NUP62CL: variants seen among roughly 807,000 people sequenced by gnomAD.
The protein encoded by NUP62CL is nucleoporin-62 C-terminal-like protein.
A neutral mutation model predicts 15.3 loss-of-function variants in NUP62CL; 13 were observed. The ratio of observed to expected loss-of-function variants is 0.85; its 90% confidence interval spans 0.55 to 1.35. The LOEUF (loss-of-function observed/expected upper bound fraction) is 1.35, where lower values mean the gene tolerates loss of function less well. Ranked by LOEUF, NUP62CL falls within the 40% of genes most tolerant of loss-of-function variation. The pLI, the probability that NUP62CL is intolerant of heterozygous loss-of-function variation, is 0.00. For synonymous variants in NUP62CL, 54 were observed against 49.2 expected (o/e 1.10, Z -0.41); for missense variants, 123 against 130.6 (o/e 0.94, Z 0.28).
intron 8 of NUP62CL, among the ~76,000 whole-genome samples, chrX:107,136,156 A>C (rs191921993): frequency 1.7e-4 from 19 of 111,478 alleles, no homozygotes; most frequent in African/African-American, 3.6e-4. Context: ...CTCTGAAAAA[A>C]ATCAATAAAA....
intron 4 of NUP62CL, among the ~76,000 whole-genome samples, chrX:107,156,190 G>A (rs1387890574): frequency 2.7e-5 from 3 of 111,903 alleles, no homozygotes; most frequent in Non-Finnish European, 5.7e-5. Context: ...CAAGGCGGCA[G>A]CCAGGCTGGG....
At chrX:107,192,473 G>T (rs895120206) in intron 2 of NUP62CL, among the ~76,000 whole-genome samples, 1 of 111,488 alleles carries the variant, frequency 9.0e-6, no homozygotes, top group African/African-American at 3.3e-5. Context: ...TCGACCTCCC[G>T]GGCTCAGGCA....
intron 4 of NUP62CL, among the ~76,000 whole-genome samples, chrX:107,161,777 T>TAAA (rs1374608408): frequency 6.3e-5 from 6 of 94,807 alleles, no homozygotes; most frequent in African/African-American, 2.4e-4. Flanking sequence ...AAGTATAATT[T>TAAA]AAAAAAAATA....
chrX:107,189,694 G>A (rs1019631206), intron 2 of NUP62CL, among the ~76,000 whole-genome samples: 1 of 107,038 alleles, frequency 9.3e-6, no homozygotes, highest in Non-Finnish European at 1.9e-5. Flanking sequence ...GGCTGAGGTG[G>A]AAGAATCACT....
intron 2 of NUP62CL, among the ~76,000 whole-genome samples, chrX:107,192,781 GCTCTTA>G (rs2147816614): frequency 8.9e-6 from 1 of 112,056 alleles, no homozygotes; most frequent in South Asian, 3.7e-4. Context: ...AAACTGTATT[GCTCTTA>G]CTCTAAGGAA....
chrX:107,198,608 A>T (rs1431933257), intron 1 of NUP62CL, among the ~76,000 whole-genome samples: 1 of 111,119 alleles, frequency 9.0e-6, no homozygotes, highest in Non-Finnish European at 1.9e-5. Flanking sequence ...ATGAGCTGTA[A>T]CACTCACCGC....
intron 8 of NUP62CL, among the ~76,000 whole-genome samples, chrX:107,140,248 G>A (rs768401080): frequency 1.4e-4 from 16 of 112,043 alleles, no homozygotes; most frequent in Middle Eastern, 4.6e-3. Flanking sequence ...CAGTCATCCT[G>A]TTGAAATTAT....
chrX:107,125,363 T>C (rs528628133), intron 8 of NUP62CL, among the ~76,000 whole-genome samples: 8 of 111,322 alleles, frequency 7.2e-5, no homozygotes, highest in South Asian at 3.9e-4. Flanking sequence ...TAGTTAAGTT[T>C]TGGGGAGTCG....
chrX:107,184,935 A>G (rs1448803428), intron 2 of NUP62CL, among the ~76,000 whole-genome samples: 3 of 111,702 alleles, frequency 2.7e-5, no homozygotes, highest in Non-Finnish European at 5.6e-5. Context: ...GAAGTAGCCC[A>G]ATACTTTTCA....
rs563704412 is a variant in NUP62CL, at chrX:107,180,610, G to GTA, written c.-47-5419_-47-5418dup. Among the ~76,000 whole-genome samples the GTA allele has an allele frequency of 7.2e-5, 8 of 111,534 alleles. No homozygotes were observed. The South Asian group carries it at 1.5e-3, about 21-fold the overall frequency. Reference sequence around the variant, plus strand: ...AGCAAGGTACAGAATAGTGTCTAGAGTATACCATTTATATCAAAAAAGGCA... The same window carrying GTA: ...AGCAAGGTACAGAATAGTGTCTAGAGTATATACCATTTATATCAAAAAAGGCA... On this transcript the variant is annotated intron_variant, in intron 2 of 8. Transcript: ENST00000372466.
intron 8 of NUP62CL, among the ~76,000 whole-genome samples, chrX:107,145,039 T>A (rs1206049680): frequency 9.0e-6 from 1 of 111,677 alleles, no homozygotes; most frequent in Non-Finnish European, 1.9e-5. Flanking sequence ...CTTGAACCCG[T>A]ATCTATCTGA....
intron 2 of NUP62CL, among the ~76,000 whole-genome samples, chrX:107,189,912 A>G (rs1247786061): frequency 9.5e-6 from 1 of 105,163 alleles, no homozygotes; most frequent in Admixed American, 1.0e-4. Flanking sequence ...AAAGAAAGAA[A>G]GAAAGAAAGA....
At chrX:107,189,264 G>C (rs1261828657) in intron 2 of NUP62CL, among the ~76,000 whole-genome samples, 1 of 111,200 alleles carries the variant, frequency 9.0e-6, no homozygotes, top group Non-Finnish European at 1.9e-5. Context: ...TTATAAAACT[G>C]AATATGCAAC....
chrX:107,146,951 G>A (rs1469046537), intron 8 of NUP62CL, among the ~76,000 whole-genome samples: 1 of 111,369 alleles, frequency 9.0e-6, no homozygotes, highest in Non-Finnish European at 1.9e-5. Flanking sequence ...GGTTCTAGGT[G>A]TGCTCATTGC....
At chrX:107,124,726 T>C (rs989624764) in intron 8 of NUP62CL, among the ~76,000 whole-genome samples, 1 of 111,329 alleles carries the variant, frequency 9.0e-6, no homozygotes, top group African/African-American at 3.3e-5. Flanking sequence ...ATATTTACAT[T>C]TCTGTTCTTT....
At chrX:107,129,505 G>A (rs1008673267) in intron 8 of NUP62CL, among the ~76,000 whole-genome samples, 2 of 112,268 alleles carry the variant, frequency 1.8e-5, no homozygotes, top group African/African-American at 6.5e-5. Context: ...TAAGCCTGCA[G>A]TCTCTTCTCT....
intron 1 of NUP62CL, among the ~76,000 whole-genome samples, chrX:107,193,391 C>T (rs780515186): frequency 2.7e-5 from 3 of 111,404 alleles, no homozygotes; most frequent in African/African-American, 6.5e-5. Context: ...ATTTGGGGTA[C>T]GATTTAAGGC....
At chrX:107,157,415 C>G (rs1020845507) in intron 4 of NUP62CL, among the ~76,000 whole-genome samples, 2 of 108,404 alleles carry the variant, frequency 1.8e-5, no homozygotes, top group East Asian at 2.9e-4. Context: ...GCCCATCAGA[C>G]TAACAGCGGA....
intron 8 of NUP62CL, among the ~76,000 whole-genome samples, chrX:107,144,289 T>C (rs1041262560): frequency 1.5e-4 from 17 of 111,545 alleles, no homozygotes; most frequent in African/African-American, 5.5e-4. Context: ...TGATCCTACA[T>C]TACAATTGTT....
Sources: allele counts gnomAD v4.1 joint callset (sites outside exome capture counted in the v4.1 genomes callset), GRCh38; gene constraint gnomAD v4.1.1; transcripts MANE v1.5; gene names NCBI Gene and HGNC (gene_info 2026-07-23, HGNC 2026-07-21).